Variants in NCAM2 observed in about 807,000 individuals in gnomAD.
The protein encoded by NCAM2 is neural cell adhesion molecule 2.
NCAM2 carries 30 observed loss-of-function variants against 98.1 expected under a neutral mutation model. The ratio of observed to expected loss-of-function variants is 0.31; its 90% CI spans 0.23 to 0.41. NCAM2 has a LOEUF of 0.41. NCAM2 is among the 10% of genes least tolerant of loss of function. The pLI is 1.00. For missense variants in NCAM2, 867 were observed against 1,005.8 expected (o/e 0.86, Z 1.87); for synonymous variants, 368 against 342.4 (o/e 1.07, Z -0.83).
At chr21:21,328,164 A>G (rs748615956) in intron 6 of NCAM2, among the ~76,000 whole-genome samples, 1 of 152,212 alleles carries the variant, frequency 6.6e-6, no homozygotes, top group Non-Finnish European at 1.5e-5. Context: ...AAAATGTCCT[A>G]TTGTCTATTG....
chr21:21,034,049 C>CA (rs2146234271), intron 1 of NCAM2, among the ~76,000 whole-genome samples: 1 of 139,638 alleles, frequency 7.2e-6, no homozygotes, highest in African/African-American at 2.7e-5. Context: ...AAGAGATAGG[C>CA]AAAGGGGGGG....
At chr21:21,105,671 G>C (rs1267725852) in intron 1 of NCAM2, among the ~76,000 whole-genome samples, 2 of 151,970 alleles carry the variant, frequency 1.3e-5, no homozygotes, top group African/African-American at 4.8e-5. Flanking sequence ...AAATTAAAAA[G>C]ACTAATAAAA....
chr21:21,116,200 G>A (rs2066556345), intron 1 of NCAM2, among the ~76,000 whole-genome samples: 1 of 152,072 alleles, frequency 6.6e-6, no homozygotes, highest in Non-Finnish European at 1.5e-5. Context: ...ACATGTGCTT[G>A]ACGAGAAGTG....
At chr21:21,016,882 T>C (rs961184986) in intron 1 of NCAM2, among the ~76,000 whole-genome samples, 2 of 152,112 alleles carry the variant, frequency 1.3e-5, no homozygotes, top group Non-Finnish European at 2.9e-5. Context: ...TGCCTCCCAC[T>C]ACACAGTGCT....
intron 9 of NCAM2, chr21:21,385,759 A>G (rs1235785037): frequency 1.8e-6 from 1 of 568,356 alleles, no homozygotes; most frequent in Non-Finnish European, 2.2e-6. Context: ...CACTGGTTAC[A>G]TAGTATGTTT....
intron 16 of NCAM2, among the ~76,000 whole-genome samples, chr21:21,527,416 G>T (rs1047898659): frequency 2.0e-5 from 3 of 152,116 alleles, no homozygotes; most frequent in Non-Finnish European, 4.4e-5. Context: ...TGAATGAAAA[G>T]ACGAATCACG....
chr21:21,010,417 T>C (rs905370867), intron 1 of NCAM2, among the ~76,000 whole-genome samples: 9 of 152,108 alleles, frequency 5.9e-5, no homozygotes, highest in African/African-American at 2.2e-4. Context: ...TAACACTTCT[T>C]AGTACACAAT....
intron 8 of NCAM2, among the ~76,000 whole-genome samples, chr21:21,348,793 T>C (rs1039137392): frequency 1.3e-5 from 2 of 151,960 alleles, no homozygotes; most frequent in Non-Finnish European, 2.9e-5. Flanking sequence ...ACAACTACAG[T>C]GAACCCATTT....
chr21:21,314,884 A>G (rs1045652250), intron 5 of NCAM2, among the ~76,000 whole-genome samples: 4 of 152,188 alleles, frequency 2.6e-5, no homozygotes, highest in Admixed American at 6.6e-5. Flanking sequence ...TATTTAGAAC[A>G]TGTTTTAAAC....
chr21:21,512,567 T>G (rs1452191104), intron 16 of NCAM2, among the ~76,000 whole-genome samples: 2 of 152,062 alleles, frequency 1.3e-5, no homozygotes, highest in Non-Finnish European at 2.9e-5. Context: ...TTTTGGCTCT[T>G]GTGGGTCTTT....
At chr21:21,440,341 T>C (rs1979049706) in intron 12 of NCAM2, among the ~76,000 whole-genome samples, 1 of 152,138 alleles carries the variant, frequency 6.6e-6, no homozygotes, top group East Asian at 1.9e-4. Flanking sequence ...GAGTTTATTA[T>C]GAAATGTCAT....
At chr21:21,331,101 C>G (rs1220274090) in intron 6 of NCAM2, among the ~76,000 whole-genome samples, 1 of 152,014 alleles carries the variant, frequency 6.6e-6, no homozygotes, top group East Asian at 1.9e-4. Context: ...CACCTACCCT[C>G]TGTATCATAC....
At chr21:21,417,573 T>G (rs887446263) in intron 10 of NCAM2, among the ~76,000 whole-genome samples, 2 of 152,060 alleles carry the variant, frequency 1.3e-5, no homozygotes, top group Non-Finnish European at 2.9e-5. Flanking sequence ...TAATAATAGT[T>G]ACAGAGATTG....
At chr21:21,420,974 G>C (rs937410725) in intron 11 of NCAM2, among the ~76,000 whole-genome samples, 1 of 151,690 alleles carries the variant, frequency 6.6e-6, no homozygotes, top group Non-Finnish European at 1.5e-5. Flanking sequence ...TGGAAATTAT[G>C]CAACTTTTCT....
intron 12 of NCAM2, among the ~76,000 whole-genome samples, chr21:21,442,687 C>T (rs1268899075): frequency 6.6e-6 from 1 of 152,004 alleles, no homozygotes. Flanking sequence ...AGAAAAGGCC[C>T]ATAGACTGAG....
At chr21:21,092,258 A>C (rs1464357831) in intron 1 of NCAM2, among the ~76,000 whole-genome samples, 1 of 152,058 alleles carries the variant, frequency 6.6e-6, no homozygotes, top group Non-Finnish European at 1.5e-5. Context: ...CAAAACTTCA[A>C]AGGGAGGAAA....
chr21:21,262,176 A>C (rs368078509), intron 1 of NCAM2, among the ~76,000 whole-genome samples: 1 of 152,148 alleles, frequency 6.6e-6, no homozygotes, highest in African/African-American at 2.4e-5. Flanking sequence ...GAAACTCTGA[A>C]CAGAACAATA....
Position 21,373,508 on chromosome 21 carries a change from A to G in NCAM2, c.1045-355A>G, listed in dbSNP as rs994131804. Among the ~76,000 whole-genome samples, 7 of 151,974 alleles carry G rather than the reference A, an allele frequency of 4.6e-5. No individual in the cohort carries two copies. The East Asian group carries it at 9.7e-4, about 21-fold the overall frequency. ...TGGAGAGTACAAGTAATTCAAAATA[A>G]TTGGAATTGACGGTATCCAAATTGT... is the stretch of plus-strand genomic sequence containing the variant. On this transcript the variant is annotated intron_variant, in intron 8 of 17. Coordinates refer to ENST00000400546, the MANE Select transcript of NCAM2 (RefSeq NM_004540.5).
At chr21:21,464,710 T>G (rs1014719784) in intron 12 of NCAM2, among the ~76,000 whole-genome samples, 1 of 152,150 alleles carries the variant, frequency 6.6e-6, no homozygotes, top group Non-Finnish European at 1.5e-5. Flanking sequence ...TTTCCTCTTC[T>G]CATTCCATAA....
Sources: gnomAD v4.1 joint callset for allele counts (sites outside exome capture counted in the v4.1 genomes callset) on GRCh38, gnomAD v4.1.1 for gene constraint, MANE v1.5 for transcripts, NCBI Gene and HGNC (gene_info 2026-07-23, HGNC 2026-07-21) for gene names.